MACROD2: variants seen among roughly 807,000 people sequenced by gnomAD.
The protein encoded by MACROD2 is ADP-ribose glycohydrolase MACROD2.
A neutral mutation model predicts 70.4 loss-of-function variants in MACROD2; 36 were observed. The observed-to-expected ratio is 0.51, with a 90% CI of 0.39 to 0.68. The LOEUF is 0.68. Ranked by LOEUF, MACROD2 falls within the 30% of genes least tolerant of loss-of-function variation. The pLI, the probability that MACROD2 is intolerant of heterozygous loss-of-function variation, is 0.00. For synonymous variants in MACROD2, 172 were observed against 178.8 expected (o/e 0.96, Z 0.30); for missense variants, 496 against 538.4 (o/e 0.92, Z 0.78).
At chr20:14,782,652 C>T (rs543143111) in intron 5 of MACROD2, among the ~76,000 whole-genome samples, 1 of 152,186 alleles carries the variant, frequency 6.6e-6, no homozygotes, top group East Asian at 1.9e-4. Flanking sequence ...AAAGTGTATC[C>T]CAGTTTCAGA....
chr20:15,831,855 G>A (rs898445824), intron 8 of MACROD2, among the ~76,000 whole-genome samples: 12 of 152,138 alleles, frequency 7.9e-5, no homozygotes, highest in African/African-American at 2.9e-4. Flanking sequence ...TCATGTTAAA[G>A]AAAAATAAAA....
At chr20:14,355,722 G>C (rs2122706006) in intron 3 of MACROD2, among the ~76,000 whole-genome samples, 1 of 152,274 alleles carries the variant, frequency 6.6e-6, no homozygotes, top group South Asian at 2.1e-4. Context: ...GGTTATCTCT[G>C]AGTATTGTTA....
At chr20:15,581,168 T>A (rs2048518362) in intron 8 of MACROD2, among the ~76,000 whole-genome samples, 1 of 152,280 alleles carries the variant, frequency 6.6e-6, no homozygotes, top group Admixed American at 6.5e-5. Context: ...AGAGAGACCT[T>A]GAGGCTTCTT....
intron 4 of MACROD2, among the ~76,000 whole-genome samples, chr20:14,669,734 G>T (rs966215259): frequency 9.2e-5 from 14 of 152,014 alleles, no homozygotes; most frequent in African/African-American, 2.9e-4. Context: ...TATTAAGTTG[G>T]TTCGTTTCTT....
intron 8 of MACROD2, among the ~76,000 whole-genome samples, chr20:15,709,361 A>G (rs1188099893): frequency 6.6e-6 from 1 of 152,302 alleles, no homozygotes; most frequent in Non-Finnish European, 1.5e-5. Context: ...AAACATTGAA[A>G]TAATAACTGT....
intron 5 of MACROD2, among the ~76,000 whole-genome samples, chr20:15,002,588 C>T (rs567997424): frequency 1.3e-5 from 2 of 152,164 alleles, no homozygotes; most frequent in African/African-American, 4.8e-5. Flanking sequence ...ATATTAAACA[C>T]AGGGTGGGGA....
intron 6 of MACROD2, among the ~76,000 whole-genome samples, chr20:15,369,675 G>T (rs1278436907): frequency 6.6e-6 from 1 of 152,132 alleles, no homozygotes; most frequent in Non-Finnish European, 1.5e-5. Flanking sequence ...CGTGGAAAGT[G>T]CTCTGAACAA....
intron 12 of MACROD2, among the ~76,000 whole-genome samples, chr20:15,947,323 T>C (rs917187180): frequency 2.6e-5 from 4 of 152,194 alleles, no homozygotes; most frequent in African/African-American, 9.6e-5. Context: ...GGGAAAAACC[T>C]TGGACAATAC....
chr20:14,440,986 C>A (rs2084115577), intron 3 of MACROD2, among the ~76,000 whole-genome samples: 1 of 152,184 alleles, frequency 6.6e-6, no homozygotes, highest in Non-Finnish European at 1.5e-5. Flanking sequence ...TACCTTTGGA[C>A]AGGACACAAC....
Position 14,365,505 on chromosome 20 carries a change from T to C in MACROD2, c.272-127974T>C, listed in dbSNP as rs541824927. On this transcript the variant is annotated intron_variant, in intron 3 of 17. Coordinates refer to ENST00000684519, the MANE Select transcript of MACROD2 (RefSeq NM_001351661.2). ...TATGATTATTGTATATTTTTTACCC[T>C]TTTTTCTTAGTCCAGCTAAAGGTTT... is the stretch of plus-strand genomic sequence containing the variant. Among the ~76,000 whole-genome samples, 6 of 152,064 alleles carry C rather than the reference T, an allele frequency of 3.9e-5. No individual in the cohort carries two copies. The East Asian group carries it at 5.8e-4, about 15-fold the overall frequency.
chr20:15,021,166 G>A (rs2075171926), intron 5 of MACROD2, among the ~76,000 whole-genome samples: 1 of 123,140 alleles, frequency 8.1e-6, no homozygotes, highest in South Asian at 2.5e-4. Flanking sequence ...CTGTGTGTAT[G>A]TATACACATA....
In MACROD2 at chr20:15,248,366, C is replaced by T. The variant is rs2077125001; in HGVS notation, c.540+18305C>T. On this transcript the variant is annotated intron_variant, in intron 6 of 17. Coordinates refer to ENST00000684519, the MANE Select transcript of MACROD2 (RefSeq NM_001351661.2). ...GATGCTTGCCTCTCAGCTTCCAGGACACCACTCTCCTCTCTTTCCTCCTTC... is the reference window on the plus strand; with the variant it reads ...GATGCTTGCCTCTCAGCTTCCAGGATACCACTCTCCTCTCTTTCCTCCTTC... Among the ~76,000 whole-genome samples, 5 of 152,178 alleles carry T rather than the reference C, an allele frequency of 3.3e-5. No individual in the cohort carries two copies. In the South Asian group the frequency reaches 1.0e-3, roughly 32 times the overall value.
chr20:14,969,161 T>TTATATATATA lies in MACROD2; in HGVS notation c.419-260770_419-260761dup, dbSNP rs150798380. Among the ~76,000 whole-genome samples, 261 of 147,730 alleles carry TTATATATATA rather than the reference T, an allele frequency of 1.8e-3. 1 individual carries two copies. Among genetic ancestry groups the TTATATATATA allele is most frequent in the African/African-American group, 6.2e-3 (251 of 40,218 alleles). On this transcript the variant is annotated intron_variant, in intron 5 of 17. Transcript: ENST00000684519. ...CAAAATTATAGCACCTATCTCCAGT[T>TTATATATATA]TATATATATATATATATAAATCTGT...
At chr20:14,448,700 G>GAAA (rs1219536194) in intron 3 of MACROD2, among the ~76,000 whole-genome samples, 103 of 150,966 alleles carry the variant, frequency 6.8e-4, no homozygotes, top group Middle Eastern at 6.8e-3. Context: ...AAGAAAGAAA[G>GAAA]GCGGTGAGAG....
intron 17 of MACROD2, among the ~76,000 whole-genome samples, chr20:16,046,331 C>G (rs1396216505): frequency 2.0e-5 from 2 of 99,272 alleles, no homozygotes; most frequent in African/African-American, 6.1e-5. Context: ...ATAAACATTT[C>G]TCCTTTTTTT....
intron 3 of MACROD2, among the ~76,000 whole-genome samples, chr20:14,186,205 G>A (rs1222594315): frequency 1.3e-5 from 2 of 152,154 alleles, no homozygotes; most frequent in African/African-American, 4.8e-5. Context: ...GCATTCCCTA[G>A]TGAACACAAA....
intron 12 of MACROD2, among the ~76,000 whole-genome samples, chr20:15,958,273 A>G (rs1298625309): frequency 1.3e-5 from 2 of 152,180 alleles, no homozygotes; most frequent in Admixed American, 6.5e-5. Context: ...CTCTCCTTTC[A>G]AGTGACCCTT....
intron 2 of MACROD2, among the ~76,000 whole-genome samples, chr20:14,048,925 C>A (rs1791763071): frequency 6.6e-6 from 1 of 152,014 alleles, no homozygotes; most frequent in Admixed American, 6.5e-5. Flanking sequence ...TGACTTAATA[C>A]AAGCTGTCCT....
intron 8 of MACROD2, among the ~76,000 whole-genome samples, chr20:15,688,820 G>T (rs1021729753): frequency 2.6e-5 from 4 of 152,214 alleles, no homozygotes; most frequent in Non-Finnish European, 2.9e-5. Context: ...GATAGAGGGG[G>T]TGTTTATGGT....
Sources: gnomAD v4.1 joint callset for allele counts (sites outside exome capture counted in the v4.1 genomes callset) on GRCh38, gnomAD v4.1.1 for gene constraint, MANE v1.5 for transcripts, NCBI Gene and HGNC (gene_info 2026-07-23, HGNC 2026-07-21) for gene names.